Variants in CD109 observed in about 807,000 individuals in gnomAD.
The protein encoded by CD109 is CD109 antigen.
CD109 carries 149 observed loss-of-function variants against 165.8 expected under a neutral mutation model. The observed-to-expected ratio is 0.90, with a 90% CI of 0.79 to 1.03. CD109 has a LOEUF of 1.03. Among genes scored for constraint, CD109 ranks in the 50% least tolerant of loss-of-function variants. CD109 has a pLI of 0.00. For missense variants in CD109, 1,712 were observed against 1,677.8 expected, an observed-to-expected ratio of 1.02 and a Z score of -0.36; for synonymous variants, 585 against 592.1, an observed-to-expected ratio of 0.99 and a Z score of 0.18.
chr6:73,688,575 T>G, the CD109 span, among the ~76,000 whole-genome samples: 1 of 152,050 alleles, frequency 6.6e-6, no homozygotes, highest in African/African-American at 2.4e-5. Flanking sequence ...GAGGTAACTC[T>G]TGGTAGGCTG....
Position 73,736,439 on chromosome 6 carries a change from C to A in CD109, c.564C>A (p.Val188=), listed in dbSNP as rs1445980191. 1.2e-6 allele frequency: 2 copies of A among 1,613,738 alleles called. No individual in the cohort carries two copies. Among genetic ancestry groups the A allele is most frequent in the South Asian group, 2.2e-5 (2 of 91,050 alleles). ...QWLSQQSDLG[V]ISKTFQLSSH... is the part of the protein sequence containing the mutation. ...TGTCACAACAAAGTGATCTTGGAGT[C>A]ATTTCCAAAACTTTTCAGCTATCTT... The change falls in exon 5 of 33, where the codon GTC becomes GTA. Residue 188 remains valine (V), a synonymous_variant. Transcript: ENST00000287097.
At position 73,826,428 on chromosome 6, in the gene CD109, T is replaced by C. The variant is rs865927444; in HGVS notation, c.*2795T>C. The C allele has an allele frequency of 6.6e-6, 1 of 152,220 alleles. No individual in the cohort carries two copies. Among genetic ancestry groups the C allele is most frequent in the African/African-American group, 2.4e-5 (1 of 41,454 alleles). 9.4% of individuals were successfully genotyped at this position (152,220 alleles called of 1,614,324 possible). A position where few individuals can be genotyped will look rare whatever the true frequency, so the allele number is the denominator to read the frequency against. On this transcript the variant is annotated 3_prime_UTR_variant, in exon 33 of 33. Coordinates refer to ENST00000287097, the MANE Select transcript of CD109 (RefSeq NM_133493.5). Reference sequence around the variant, plus strand: ...ACCTTAGTAAAACACCAGCATATCTTACCTCTCTTTCTGACTGGCCGATGC... The same window carrying C: ...ACCTTAGTAAAACACCAGCATATCTCACCTCTCTTTCTGACTGGCCGATGC...
intron 5 of CD109, among the ~76,000 whole-genome samples, chr6:73,744,169 T>C (rs778956823): frequency 2.6e-5 from 4 of 152,250 alleles, no homozygotes; most frequent in Non-Finnish European, 5.9e-5. Context: ...TATCTTCAGA[T>C]ATTTAAAAAA....
intron 25 of CD109, among the ~76,000 whole-genome samples, chr6:73,807,580 T>G (rs1775613562): frequency 6.6e-6 from 1 of 152,172 alleles, no homozygotes; most frequent in Admixed American, 6.6e-5. Flanking sequence ...CGAGCTTAAG[T>G]TTGCTCCAGA....
intron 2 of CD109, among the ~76,000 whole-genome samples, chr6:73,703,338 G>T (rs1298120743): frequency 6.6e-6 from 1 of 152,232 alleles, no homozygotes; most frequent in African/African-American, 2.4e-5. Context: ...TGAATCGAAA[G>T]AATTACAAAA....
intron 2 of CD109, among the ~76,000 whole-genome samples, chr6:73,704,969 A>G (rs1390231489): frequency 6.6e-6 from 1 of 152,232 alleles, no homozygotes; most frequent in Admixed American, 6.6e-5. Context: ...ATGTCCATTC[A>G]TAAATGTCCC....
At position 73,818,520 on chromosome 6, in the gene CD109, C is replaced by T. The variant is rs1189758331; in HGVS notation, c.4044C>T (p.Asn1348=). 6.2e-7 allele frequency: 1 copy of T among 1,612,998 alleles called. No homozygotes were observed. Among genetic ancestry groups the T allele is most frequent in the Non-Finnish European group, 8.5e-7 (1 of 1,179,730 alleles). ...KKVEYDHGKL[N]LYLDSVNETQ... The stretch of plus-strand genomic sequence containing the variant: ...TGGAATATGATCATGGAAAACTCAA[C>T]CTCTATTTAGATTCTGTAAGTAGTA... The change falls in exon 31 of 33, where the codon AAC becomes AAT. Residue 1348 remains asparagine, a synonymous_variant. Coordinates refer to ENST00000287097, the MANE Select transcript of CD109 (RefSeq NM_133493.5).
intron 27 of CD109, 70 bp downstream of exon 27, chr6:73,810,244 A>G: frequency 2.9e-6 from 1 of 348,784 alleles, no homozygotes; most frequent in Middle Eastern, 1.1e-3. Flanking sequence ...TATATATTTT[A>G]TATATAATAT....
At chr6:73,755,658 G>A (rs1476717006) in intron 5 of CD109, among the ~76,000 whole-genome samples, 4 of 152,082 alleles carry the variant, frequency 2.6e-5, no homozygotes, top group South Asian at 2.1e-4. Flanking sequence ...TTTAGAATGA[G>A]CGATTTAGAA....
intron 25 of CD109, among the ~76,000 whole-genome samples, chr6:73,807,445 T>C (rs1421157588): frequency 6.6e-6 from 1 of 152,170 alleles, no homozygotes. Context: ...TTTTTACTTA[T>C]AAAACATCAT....
chr6:73,790,176 C>G (rs1032262537), intron 22 of CD109, among the ~76,000 whole-genome samples: 2 of 143,036 alleles, frequency 1.4e-5, no homozygotes, highest in African/African-American at 5.4e-5. Context: ...TTTACTGCAA[C>G]CACCGCCTAC....
chr6:73,792,828 G>T (rs1409220505), intron 23 of CD109, 26 bp downstream of exon 23: 5 of 1,569,400 alleles, frequency 3.2e-6, no homozygotes, highest in Non-Finnish European at 4.3e-6. Context: ...ACCTACATTT[G>T]TTCGTAGAAA....
At chr6:73,756,825 A>AT (rs559203174) in intron 6 of CD109, 143 bp downstream of exon 6, 28 of 499,798 alleles carry the variant, frequency 5.6e-5, no homozygotes, top group East Asian at 1.5e-4. Context: ...GCCTAACCAT[A>AT]TTTTTTTTCC....
At position 73,696,284 on chromosome 6, in the gene CD109, T is replaced by C. The variant is rs770438976; in HGVS notation, c.69T>C (p.Ala23=). ...LCVCTAALAV[A]PGPRFLVTAP... ...TGTGCACCGCCGCGCTGGCCGTGGC[T>C]CCCGGGTAGGAACGTGGGCGCGCGG... The change falls in exon 1 of 33, where the codon GCT becomes GCC. Residue 23 remains alanine (A), a synonymous_variant. Coordinates refer to ENST00000287097, the MANE Select transcript of CD109 (RefSeq NM_133493.5). 1.1e-5 allele frequency: 17 copies of C among 1,524,750 alleles called. No homozygotes were observed. The African/African-American group carries it at 1.8e-4, about 16-fold the overall frequency. 94.5% of individuals were successfully genotyped at this position (1,524,750 alleles called of 1,614,324 possible).
intron 5 of CD109, among the ~76,000 whole-genome samples, chr6:73,748,314 C>T (rs2150204076): frequency 6.6e-6 from 1 of 152,196 alleles, no homozygotes; most frequent in South Asian, 2.1e-4. Context: ...CATGTTATTC[C>T]CCAGCTTAAA....
chr6:73,738,831 G>A (rs1399760035), intron 5 of CD109, among the ~76,000 whole-genome samples: 1 of 152,176 alleles, frequency 6.6e-6, no homozygotes, highest in African/African-American at 2.4e-5. Flanking sequence ...TCATCATGCT[G>A]TTCCCTCTGC....
the CD109 span, among the ~76,000 whole-genome samples, chr6:73,681,017 C>T: frequency 6.6e-6 from 1 of 152,172 alleles, no homozygotes; most frequent in African/African-American, 2.4e-5. Context: ...GCTTTCCAGA[C>T]TCTGGCAAAG....
intron 24 of CD109, among the ~76,000 whole-genome samples, chr6:73,806,351 G>A (rs1447667627): frequency 2.0e-5 from 3 of 151,458 alleles, no homozygotes; most frequent in South Asian, 2.1e-4. Context: ...ATTACACACC[G>A]GGACCTGTTG....
chr6:73,807,495 C>G (rs1018072693), intron 25 of CD109, among the ~76,000 whole-genome samples: 1 of 152,068 alleles, frequency 6.6e-6, no homozygotes, highest in African/African-American at 2.4e-5. Context: ...GCTGAGAACA[C>G]CCATACCCTG....
Sources: gnomAD v4.1 joint callset for allele counts (sites outside exome capture counted in the v4.1 genomes callset) on GRCh38, gnomAD v4.1.1 for gene constraint, MANE v1.5 for transcripts, NCBI Gene and HGNC (gene_info 2026-07-23, HGNC 2026-07-21) for gene names.